Variants in OR52B4 observed in about 807,000 individuals in gnomAD.
OR52B4 encodes olfactory receptor family 52 subfamily B member 4.
For missense variants in OR52B4, 450 were observed against 387.0 expected, an observed-to-expected ratio of 1.16 and a Z score of -1.36; for synonymous variants, 182 against 142.3, an observed-to-expected ratio of 1.28 and a Z score of -1.98.
In OR52B4 at chr11:4,367,588, G is replaced by A. The variant is rs775798300; in HGVS notation, c.708C>T (p.Cys236=). ...AVFHMPSPDA[C]HKALNTFGSH... is the part of the protein sequence containing the mutation. ...AGCCAAATGTGTTGAGAGCTTTGTG[G>A]CAAGCATCTGGAGAAGGCATGTGGA... The change falls in exon 1 of 1, where the codon TGC becomes TGT. Residue 236 remains cysteine (C), a synonymous_variant. Transcript: ENST00000624801. 3.1e-6 allele frequency: 5 copies of A among 1,613,836 alleles called. No individual in the cohort carries two copies. The highest frequency in any genetic ancestry group is 4.2e-6 in the Non-Finnish European group (5 of 1,179,912).
rs1226035495 is a variant in OR52B4, at chr11:4,368,103, G to T, written c.193C>A (p.Leu65Ile). The change falls in exon 1 of 1, where the codon CTC (leucine) becomes ATC (isoleucine). Residue 65 changes from leucine (L) to isoleucine (I), a missense_variant. Transcript: ENST00000624801. ...ATGTCTGCTCCAGCCAGCATGCAGAGGAAGAGGTACATGGGTTCATGGAGG... is the reference window on the plus strand; with the variant it reads ...ATGTCTGCTCCAGCCAGCATGCAGATGAAGAGGTACATGGGTTCATGGAGG... Reference protein sequence around the residue: ...RSLHEPMYLFLCMLAGADIVL... With the variant: ...RSLHEPMYLFICMLAGADIVL... The T allele has an allele frequency of 9.3e-6, 15 of 1,613,880 alleles. No homozygotes were observed. Among genetic ancestry groups the T allele is most frequent in the Non-Finnish European group, 1.3e-5 (15 of 1,179,982 alleles).
chr11:4,367,880 G>C lies in OR52B4; in HGVS notation c.416C>G (p.Thr139Arg). The change falls in exon 1 of 1, where the codon ACA becomes AGA. Residue 139 changes from threonine to arginine, a missense_variant. Coordinates refer to ENST00000624801, the MANE Select transcript of OR52B4 (RefSeq NM_001005161.3). ...ACAAATTTTCTTGATCAGAGCATTT[G>C]TAAGAATGGTGGTGTACCTCAGTGG... ...CYPLRYTTIL[T>R]NALIKKICVT... 6.2e-7 allele frequency: 1 copy of C among 1,614,114 alleles called. No homozygotes were observed. Among genetic ancestry groups the C allele is most frequent in the Non-Finnish European group, 8.5e-7 (1 of 1,180,000 alleles).
rs747850024 is a variant in OR52B4 at position 4,368,038 on chromosome 11, G to T, written c.258C>A (p.Ile86=). 2 of 1,614,050 alleles carry T rather than the reference G, an allele frequency of 1.2e-6. No individual in the cohort carries two copies. The highest frequency in any genetic ancestry group is 1.1e-5 in the South Asian group (1 of 91,072). The part of the protein sequence containing the change: ...STCTIPQALA[I]FWFRAGDISL... ...AGATGTCCCCAGCACGGAACCAGAA[G>T]ATAGCTAAGGCCTGAGGAATGGTGC... The change falls in exon 1 of 1, where the codon ATC becomes ATA. Residue 86 remains isoleucine, a synonymous_variant. Coordinates refer to ENST00000624801, the MANE Select transcript of OR52B4 (RefSeq NM_001005161.3).
chr11:4,368,318 C>T lies in OR52B4; in HGVS notation c.-23G>A, dbSNP rs1452866108. ...CATAGCTGGGGAGAACTTTCAGAAC[C>T]TCACCTCCTACTCACAGAGGTAGAA... is the stretch of plus-strand genomic sequence containing the variant. On this transcript the variant is annotated 5_prime_UTR_variant, in exon 1 of 1. Transcript: ENST00000624801. 2.3e-6 allele frequency: 3 copies of T among 1,301,576 alleles called. No individual in the cohort carries two copies. The African/African-American group carries it at 4.4e-5, about 19-fold the overall frequency. 80.6% of individuals were successfully genotyped at this position (1,301,576 alleles called of 1,614,324 possible). A position where few individuals can be genotyped will look rare whatever the true frequency, so the allele number is the denominator to read the frequency against.
At position 4,368,385 on chromosome 11, in the gene OR52B4, C is replaced by T. The variant is rs1270566085; in HGVS notation, c.-90G>A. On this transcript the variant is annotated 5_prime_UTR_variant, in exon 1 of 1. Coordinates refer to ENST00000624801, the MANE Select transcript of OR52B4 (RefSeq NM_001005161.3). ...ACATTCTTTGCGATGTCACCAGGAG[C>T]TTATGGCATATTCCATAATCTTCGT... 1 of 658,582 alleles carries T rather than the reference C, an allele frequency of 1.5e-6. No homozygotes were observed. The highest frequency in any genetic ancestry group is 2.7e-6 in the Non-Finnish European group (1 of 374,658). 40.8% of individuals were successfully genotyped at this position (658,582 alleles called of 1,614,324 possible).
At position 4,367,994 on chromosome 11, in the gene OR52B4, G is replaced by A; in HGVS notation, c.302C>T (p.Thr101Ile). The part of the protein sequence containing the change: ...AGDISLDRCI[T>I]QLFFIHSTFI... Reference sequence around the variant, plus strand: ...GGTGGAATGGATGAAGAAGAGCTGAGTGATGCAACGATCCAGGGAGATGTC... The same window carrying A: ...GGTGGAATGGATGAAGAAGAGCTGAATGATGCAACGATCCAGGGAGATGTC... Residue 101 changes from threonine (T) to isoleucine (I), a missense_variant, in exon 1 of 1, where the codon ACT becomes ATT. Transcript: ENST00000624801. The A allele has an allele frequency of 6.2e-7, 1 of 1,614,064 alleles. No individual in the cohort carries two copies. The highest frequency in any genetic ancestry group is 8.5e-7 in the Non-Finnish European group (1 of 1,180,008).
At position 4,367,881 on chromosome 11, in the gene OR52B4, T is replaced by C; in HGVS notation, c.415A>G (p.Thr139Ala). ...CAAATTTTCTTGATCAGAGCATTTG[T>C]AAGAATGGTGGTGTACCTCAGTGGG... ...CYPLRYTTIL[T>A]NALIKKICVT... is the part of the protein sequence containing the mutation. Residue 139 changes from threonine (T) to alanine (A), a missense_variant, in exon 1 of 1, where the codon ACA becomes GCA. Physicochemically the swap from Thr to Ala is moderately conservative, Grantham distance 58. Transcript: ENST00000624801. The C allele has an allele frequency of 6.2e-7, 1 of 1,614,072 alleles. No homozygotes were observed. Among genetic ancestry groups the C allele is most frequent in the Admixed American group, 1.7e-5 (1 of 59,990 alleles).
chr11:4,367,651 T>C lies in OR52B4; in HGVS notation c.645A>G (p.Leu215=). The change falls in exon 1 of 1, where the codon CTA becomes CTG. Residue 215 remains leucine, a synonymous_variant. Coordinates refer to ENST00000624801, the MANE Select transcript of OR52B4 (RefSeq NM_001005161.3). ...LMSTVVLDVV[L]IFISYMLILH... ...GAATCAGCATATAGGAAATAAAAAT[T>C]AGTACAACATCTAAGACCACCGTCG... The C allele has an allele frequency of 6.2e-7, 1 of 1,613,984 alleles. No homozygotes were observed. The highest frequency in any genetic ancestry group is 8.5e-7 in the Non-Finnish European group (1 of 1,179,950).
In OR52B4 at chr11:4,368,370, C is replaced by G. The variant is rs751110252; in HGVS notation, c.-75G>C. The G allele has an allele frequency of 4.0e-5, 29 of 732,822 alleles. No individual in the cohort carries two copies. In the East Asian group the frequency reaches 6.6e-4, roughly 17 times the overall value. 45.4% of individuals were successfully genotyped at this position (732,822 alleles called of 1,614,324 possible). Reference sequence around the variant, plus strand: ...AAGATAAAATCTGCAACATTCTTTGCGATGTCACCAGGAGCTTATGGCATA... The same window carrying G: ...AAGATAAAATCTGCAACATTCTTTGGGATGTCACCAGGAGCTTATGGCATA... On this transcript the variant is annotated 5_prime_UTR_variant, in exon 1 of 1. Coordinates refer to ENST00000624801, the MANE Select transcript of OR52B4 (RefSeq NM_001005161.3).
chr11:4,368,018 T>C lies in OR52B4; in HGVS notation c.278A>G (p.Asp93Gly). The C allele has an allele frequency of 6.2e-7, 1 of 1,613,918 alleles. No individual in the cohort carries two copies. The highest frequency in any genetic ancestry group is 1.1e-5 in the South Asian group (1 of 91,076). The change falls in exon 1 of 1, where the codon GAC (aspartate) becomes GGC (glycine). Residue 93 changes from aspartate (D) to glycine (G), a missense_variant. Coordinates refer to ENST00000624801, the MANE Select transcript of OR52B4 (RefSeq NM_001005161.3). ...ALAIFWFRAGDISLDRCITQL... is the reference protein window; with the variant it reads ...ALAIFWFRAGGISLDRCITQL... ...AGTGATGCAACGATCCAGGGAGATG[T>C]CCCCAGCACGGAACCAGAAGATAGC...
chr11:4,367,853 A>T lies in OR52B4; in HGVS notation c.443T>A (p.Val148Glu), dbSNP rs755317550. ...LTNALIKKIC[V>E]TVSLRSYGTI... ...ACCATAACTTCTCAGAGAGACAGTCACACAAATTTTCTTGATCAGAGCATT... is the reference window on the plus strand; with the variant it reads ...ACCATAACTTCTCAGAGAGACAGTCTCACAAATTTTCTTGATCAGAGCATT... The change falls in exon 1 of 1, where the codon GTG (valine) becomes GAG (glutamate). Residue 148 changes from valine (V) to glutamate (E), a missense_variant. Val to Glu is a moderately radical substitution (Grantham distance 121, BLOSUM62 -2). Coordinates refer to ENST00000624801, the MANE Select transcript of OR52B4 (RefSeq NM_001005161.3). 6.2e-7 allele frequency: 1 copy of T among 1,613,910 alleles called. No homozygotes were observed.
At position 4,367,972 on chromosome 11, in the gene OR52B4, G is replaced by A. The variant is rs1426238115; in HGVS notation, c.324C>T (p.Ser108=). The change falls in exon 1 of 1, where the codon TCC becomes TCT. Residue 108 remains serine, a synonymous_variant. Transcript: ENST00000624801. ...AGATCCCTGACTCAGAGATGAAGGT[G>A]GAATGGATGAAGAAGAGCTGAGTGA... is the stretch of plus-strand genomic sequence containing the variant. ...RCITQLFFIH[S]TFISESGILL... is the part of the protein sequence containing the mutation. 3.1e-6 allele frequency: 5 copies of A among 1,613,966 alleles called. 1 individual carries two copies. The South Asian group carries it at 5.5e-5, about 18-fold the overall frequency.
rs771408570 is a variant in OR52B4 at position 4,367,634 on chromosome 11, A to G, written c.662T>C (p.Met221Thr). 51 of 1,613,990 alleles carry G rather than the reference A, an allele frequency of 3.2e-5. 1 individual carries two copies. In the South Asian group the frequency reaches 5.5e-4, roughly 17 times the overall value. Residue 221 changes from methionine (M) to threonine (T), a missense_variant, in exon 1 of 1, where the codon ATG (methionine) becomes ACG (threonine). By Grantham distance (81) the Met-to-Thr change is moderately conservative. Coordinates refer to ENST00000624801, the MANE Select transcript of OR52B4 (RefSeq NM_001005161.3). The part of the protein sequence containing the change: ...LDVVLIFISY[M>T]LILHAVFHMP... The stretch of plus-strand genomic sequence containing the variant: ...GTGGAAGACAGCATGGAGAATCAGC[A>G]TATAGGAAATAAAAATTAGTACAAC...
chr11:4,368,336 A>T lies in OR52B4; in HGVS notation c.-41T>A. 9.5e-7 allele frequency: 1 copy of T among 1,052,116 alleles called. No individual in the cohort carries two copies. The highest frequency in any genetic ancestry group is 1.4e-6 in the Non-Finnish European group (1 of 704,436). 65.2% of individuals were successfully genotyped at this position (1,052,116 alleles called of 1,614,324 possible). On this transcript the variant is annotated 5_prime_UTR_variant, in exon 1 of 1. Transcript: ENST00000624801. ...TCAGAACCTCACCTCCTACTCACAG[A>T]GGTAGAAGAAGATAAAATCTGCAAC... is the stretch of plus-strand genomic sequence containing the variant.
In OR52B4 at chr11:4,367,869, T is replaced by G; in HGVS notation, c.427A>C (p.Ile143Leu). Residue 143 changes from isoleucine to leucine, a missense_variant, in exon 1 of 1, where the codon ATC becomes CTC. Coordinates refer to ENST00000624801, the MANE Select transcript of OR52B4 (RefSeq NM_001005161.3). ...RYTTILTNAL[I>L]KKICVTVSLR... Reference sequence around the variant, plus strand: ...GAGACAGTCACACAAATTTTCTTGATCAGAGCATTTGTAAGAATGGTGGTG... The same window carrying G: ...GAGACAGTCACACAAATTTTCTTGAGCAGAGCATTTGTAAGAATGGTGGTG... 1 of 1,614,096 alleles carries G rather than the reference T, an allele frequency of 6.2e-7. No individual in the cohort carries two copies. The highest frequency in any genetic ancestry group is 1.7e-5 in the Admixed American group (1 of 60,006).
In OR52B4 at chr11:4,368,182, G is replaced by T; in HGVS notation, c.114C>A (p.Val38=). 6.2e-7 allele frequency: 1 copy of T among 1,613,812 alleles called. No homozygotes were observed. The change falls in exon 1 of 1, where the codon GTC becomes GTA. Residue 38 remains valine (V), a synonymous_variant. Coordinates refer to ENST00000624801, the MANE Select transcript of OR52B4 (RefSeq NM_001005161.3). ...GCAGGCTGTTCCCAAGAAGGGCGGT[G>T]ACATAGGAAATGAAGAATGGGATAG... is the stretch of plus-strand genomic sequence containing the variant. ...WISIPFFISY[V]TALLGNSLLI... is the part of the protein sequence containing the mutation.
At position 4,367,946 on chromosome 11, in the gene OR52B4, A is replaced by T; in HGVS notation, c.350T>A (p.Leu117Ter). 1 of 1,613,962 alleles carries T rather than the reference A, an allele frequency of 6.2e-7. No individual in the cohort carries two copies. The highest frequency in any genetic ancestry group is 8.5e-7 in the Non-Finnish European group (1 of 1,179,914). ...ATAGTGGTCAAAGGCCATCACCAGCAAGATCCCTGACTCAGAGATGAAGGT... is the reference window on the plus strand; with the variant it reads ...ATAGTGGTCAAAGGCCATCACCAGCTAGATCCCTGACTCAGAGATGAAGGT... The part of the protein sequence containing the change: ...HSTFISESGI[L>*]LVMAFDHYIA... Residue 117 changes from leucine to a stop codon, truncating the protein, a stop_gained, in exon 1 of 1, where the codon TTG (leucine) becomes TAG (stop). Transcript: ENST00000624801. LOFTEE classifies it low-confidence loss of function (END_TRUNC).
rs540215360 is a variant in OR52B4 at position 4,367,372 on chromosome 11, A to C, written c.924T>G (p.Phe308Leu). The C allele has an allele frequency of 2.7e-5, 43 of 1,603,146 alleles. No homozygotes were observed. The East Asian group carries it at 9.4e-4, about 35-fold the overall frequency. The part of the protein sequence containing the change: ...TKQIQEQVVQ[F>L]LFIKQK ...AAAGTTATTTCTGTTTTATAAACAA[A>C]AACTGAACCACCTGTTCCTGGATTT... Residue 308 changes from phenylalanine to leucine, a missense_variant, in exon 1 of 1, where the codon TTT (phenylalanine) becomes TTG (leucine). Transcript: ENST00000624801.
At position 4,367,955 on chromosome 11, in the gene OR52B4, G is replaced by C; in HGVS notation, c.341C>G (p.Ser114Ter). The change falls in exon 1 of 1, where the codon TCA (serine) becomes TGA (stop). Residue 114 changes from serine to a stop codon, truncating the protein, a stop_gained. Coordinates refer to ENST00000624801, the MANE Select transcript of OR52B4 (RefSeq NM_001005161.3). LOFTEE classifies it low-confidence loss of function (END_TRUNC). The stretch of plus-strand genomic sequence containing the variant: ...AAAGGCCATCACCAGCAAGATCCCT[G>C]ACTCAGAGATGAAGGTGGAATGGAT... ...FFIHSTFISE[S>*]GILLVMAFDH... 1 of 1,613,954 alleles carries C rather than the reference G, an allele frequency of 6.2e-7. No homozygotes were observed. Among genetic ancestry groups the C allele is most frequent in the Non-Finnish European group, 8.5e-7 (1 of 1,179,938 alleles).
Sources: allele counts gnomAD v4.1 joint callset, GRCh38; gene constraint gnomAD v4.1.1; transcripts MANE v1.5; gene names NCBI Gene and HGNC (gene_info 2026-07-23, HGNC 2026-07-21).